NRDE2: variants seen among roughly 807,000 people sequenced by gnomAD.
The protein encoded by NRDE2 is nuclear exosome regulator NRDE2.
Under a neutral mutation model 124.2 loss-of-function variants are expected in NRDE2, and 76 were observed. The ratio of observed to expected loss-of-function variants is 0.61; its 90% CI spans 0.51 to 0.74. The LOEUF (loss-of-function observed/expected upper bound fraction) is 0.74. Ranked by LOEUF, NRDE2 falls within the 30% of genes least tolerant of loss-of-function variation. NRDE2 has a pLI of 0.00. For missense variants in NRDE2, 1,314 were observed against 1,417.3 expected, an observed-to-expected ratio of 0.93 and a Z score of 1.17; for synonymous variants, 489 against 528.1, an observed-to-expected ratio of 0.93 and a Z score of 1.01.
intron 1 of NRDE2, among the ~76,000 whole-genome samples, chr14:90,326,304 C>T (rs1438678275): frequency 6.6e-6 from 1 of 151,600 alleles, no homozygotes; most frequent in Non-Finnish European, 1.5e-5. Flanking sequence ...ACCATCCTGG[C>T]TAACAAGGTG....
intron 3 of NRDE2, among the ~76,000 whole-genome samples, chr14:90,313,955 T>TG (rs1460697105): frequency 2.0e-5 from 3 of 152,168 alleles, no homozygotes; most frequent in Non-Finnish European, 4.4e-5. Context: ...AATGAAAAGA[T>TG]GGAGAGCCTA....
At position 90,278,928 on chromosome 14, in the gene NRDE2, C is replaced by A. The variant is rs1891876466; in HGVS notation, c.3369+134G>T. The A allele has an allele frequency of 2.5e-5, 18 of 707,634 alleles. 1 individual carries two copies. The South Asian group carries it at 3.0e-4, about 12-fold the overall frequency. 43.8% of individuals were successfully genotyped at this position (707,634 alleles called of 1,614,324 possible). A position where few individuals can be genotyped will look rare whatever the true frequency, so the allele number is the denominator to read the frequency against. On this transcript the variant is annotated intron_variant, in intron 13 of 13. Coordinates refer to ENST00000354366, the MANE Select transcript of NRDE2 (RefSeq NM_017970.4). ...TCACCAGGAAAAGGCTCTGGATGTA[C>A]CTTGGGACAGGGTATGGCGTCCATG...
At chr14:90,287,485 C>A (rs1389274732) in intron 11 of NRDE2, among the ~76,000 whole-genome samples, 1 of 151,750 alleles carries the variant, frequency 6.6e-6, no homozygotes, top group Non-Finnish European at 1.5e-5. Flanking sequence ...ATTAGCCAGG[C>A]GTGGTGGTGC....
intron 4 of NRDE2, among the ~76,000 whole-genome samples, chr14:90,307,089 T>C (rs1021670538): frequency 1.3e-5 from 2 of 152,216 alleles, no homozygotes; most frequent in Non-Finnish European, 2.9e-5. Context: ...TATATTACTA[T>C]CTACTTTCAG....
At chr14:90,286,216 T>C (rs1892097167) in intron 12 of NRDE2, 138 bp downstream of exon 12, 5 of 953,238 alleles carry the variant, frequency 5.2e-6, no homozygotes, top group Middle Eastern at 2.3e-4. Context: ...GATTCACCAA[T>C]GCCAAGAAGA....
At chr14:90,323,970 C>T (rs150537282) in intron 1 of NRDE2, among the ~76,000 whole-genome samples, 1 of 152,274 alleles carries the variant, frequency 6.6e-6, no homozygotes, top group East Asian at 1.9e-4. Flanking sequence ...CAACACTACC[C>T]TCATGGAGCT....
intron 10 of NRDE2, 118 bp from the exon 11 acceptor site, chr14:90,289,263 G>T: frequency 3.7e-6 from 3 of 806,816 alleles, no homozygotes; most frequent in Non-Finnish European, 6.0e-6. Context: ...CTTTATCACG[G>T]GTCTGGTAAA....
chr14:90,272,987 A>G lies in NRDE2; in HGVS notation c.*5349T>C, dbSNP rs1471614314. 1 of 152,210 alleles carries G rather than the reference A, an allele frequency of 6.6e-6. No homozygotes were observed. Among genetic ancestry groups the G allele is most frequent in the Non-Finnish European group, 1.5e-5 (1 of 68,058 alleles). The allele number at this position is 152,210 out of a possible 1,614,324, so 9.4% of individuals were successfully genotyped here. On this transcript the variant is annotated 3_prime_UTR_variant, in exon 14 of 14. Transcript: ENST00000354366. The surrounding 1 kb of genome is among the most constrained non-coding windows in gnomAD (Gnocchi z 4.5). Reference sequence around the variant, plus strand: ...TGTTCCCAAGAGACTGAGGATTCCTAGAGATATCTTGAAAGCCCTTCTGAG... The same window carrying G: ...TGTTCCCAAGAGACTGAGGATTCCTGGAGATATCTTGAAAGCCCTTCTGAG...
intron 1 of NRDE2, among the ~76,000 whole-genome samples, chr14:90,329,331 C>T (rs1885573818): frequency 6.6e-6 from 1 of 152,202 alleles, no homozygotes; most frequent in African/African-American, 2.4e-5. Flanking sequence ...TTTTCTTCTG[C>T]AGGACTTGAA....
chr14:90,268,644 G>C lies in NRDE2; in HGVS notation c.*9692C>G, dbSNP rs1188101626. The stretch of plus-strand genomic sequence containing the variant: ...ATGAATAACCATGTCTTGAGCACCC[G>C]CCCTGATCCAGGACCATCTGGACTC... On this transcript the variant is annotated 3_prime_UTR_variant, in exon 14 of 14. Transcript: ENST00000354366. 1.5e-5 allele frequency: 7 copies of C among 465,666 alleles called. No individual in the cohort carries two copies. Among genetic ancestry groups the C allele is most frequent in the Non-Finnish European group, 2.7e-5 (7 of 262,852 alleles). 28.8% of individuals were successfully genotyped at this position (465,666 alleles called of 1,614,324 possible). A position where few individuals can be genotyped will look rare whatever the true frequency, so the allele number is the denominator to read the frequency against.
chr14:90,301,343 G>A lies in NRDE2; in HGVS notation c.1441C>T (p.Arg481Trp), dbSNP rs765110421. Reference protein sequence around the residue: ...ALFLQQCHFLRQAGHSEKAIS... With the variant: ...ALFLQQCHFLWQAGHSEKAIS... ...GCCTTCTCAGAGTGGCCAGCCTGCC[G>A]CAGAAAGTGGCACTGCTGAAGAAAG... The change falls in exon 7 of 14, where the codon CGG (arginine) becomes TGG (tryptophan). Residue 481 changes from arginine (R) to tryptophan (W), a missense_variant. By Grantham distance (101) the Arg-to-Trp change is moderately radical. Coordinates refer to ENST00000354366, the MANE Select transcript of NRDE2 (RefSeq NM_017970.4). The A allele has an allele frequency of 3.1e-6, 5 of 1,613,660 alleles. No individual in the cohort carries two copies. The East Asian group carries it at 6.7e-5, about 22-fold the overall frequency.
In NRDE2 at chr14:90,304,154, C is replaced by T. The variant is rs778158794; in HGVS notation, c.786G>A (p.Ala262=). 9 of 1,614,050 alleles carry T rather than the reference C, an allele frequency of 5.6e-6. No homozygotes were observed. The East Asian group carries it at 1.1e-4, about 20-fold the overall frequency. The change falls in exon 5 of 14, where the codon GCG becomes GCA. Residue 262 remains alanine, a synonymous_variant. Coordinates refer to ENST00000354366, the MANE Select transcript of NRDE2 (RefSeq NM_017970.4). ...GATTCAACCAGGTTGTAACAGGAGCCGCATCTTCCAAGTCCTTCACTGGTA... is the reference window on the plus strand; with the variant it reads ...GATTCAACCAGGTTGTAACAGGAGCTGCATCTTCCAAGTCCTTCACTGGTA... The part of the protein sequence containing the change: ...SFIPVKDLED[A]APVTTWLNPL...
chr14:90,301,457 A>C, intron 6 of NRDE2, 85 bp from the exon 7 acceptor site: 1 of 1,244,974 alleles, frequency 8.0e-7, no homozygotes, highest in Admixed American at 2.1e-5. Context: ...GGCAATTAAC[A>C]CATTGAGAAC....
In NRDE2 at chr14:90,316,559, C is replaced by T. The variant is rs1052541949; in HGVS notation, c.407+19G>A. On this transcript the variant is annotated intron_variant, in intron 3 of 13. Transcript: ENST00000354366. The stretch of plus-strand genomic sequence containing the variant: ...CTCAAGACTTAAAATATCATAGGTG[C>T]TTGAGAACAGCAACCTACTTCGGTT... The T allele has an allele frequency of 6.5e-7, 1 of 1,548,406 alleles. No individual in the cohort carries two copies. Among genetic ancestry groups the T allele is most frequent in the African/African-American group, 1.4e-5 (1 of 72,856 alleles).
Position 90,301,266 on chromosome 14 carries a change from G to A in NRDE2, c.1518C>T (p.Ser506=), listed in dbSNP as rs780607774. The A allele has an allele frequency of 8.7e-6, 14 of 1,613,514 alleles. No individual in the cohort carries two copies. The African/African-American group carries it at 1.2e-4, about 14-fold the overall frequency. ...MVDFTFFKPD[S]VKDLPTKGQV... ...GTCCTTTGGTAGGCAGATCTTTCAC[G>A]CTGTCGGGTTTGAAGAAGGTGAAGT... Residue 506 remains serine (S), a synonymous_variant, in exon 7 of 14, where the codon AGC becomes AGT. Coordinates refer to ENST00000354366, the MANE Select transcript of NRDE2 (RefSeq NM_017970.4).
intron 13 of NRDE2, 93 bp from the exon 14 acceptor site, chr14:90,278,554 C>G: frequency 6.6e-7 from 1 of 1,523,564 alleles, no homozygotes; most frequent in South Asian, 1.2e-5. Context: ...CCTGGTGACC[C>G]TGCCCTCCTG....
chr14:90,290,184 A>C (rs1892231754), intron 10 of NRDE2, 37 bp downstream of exon 10: 1 of 1,594,444 alleles, frequency 6.3e-7, no homozygotes, highest in Non-Finnish European at 8.6e-7. Flanking sequence ...CATGAAATGA[A>C]AAGTCCCCAA....
Position 90,303,862 on chromosome 14 carries a change from T to C in NRDE2, c.1005+73A>G, listed in dbSNP as rs867373462. 1.7e-5 allele frequency: 23 copies of C among 1,351,036 alleles called. No individual in the cohort carries two copies. The African/African-American group carries it at 2.8e-4, about 16-fold the overall frequency. The allele number at this position is 1,351,036 out of a possible 1,614,324, so 83.7% of individuals were successfully genotyped here. A position where few individuals can be genotyped will look rare whatever the true frequency, so the allele number is the denominator to read the frequency against. ...ATTTCCTCATTTGCTCAAAAATTGC[T>C]GCACAGTCCATCAGTTTGCCCAAAA... On this transcript the variant is annotated intron_variant, in intron 5 of 13. Transcript: ENST00000354366.
chr14:90,330,741 G>A (rs552165727), intron 1 of NRDE2, among the ~76,000 whole-genome samples: 1 of 151,134 alleles, frequency 6.6e-6, no homozygotes, highest in Non-Finnish European at 1.5e-5. Context: ...CCAGGAGTCT[G>A]AGGCGGCAGT....
Sources: allele counts gnomAD v4.1 joint callset (sites outside exome capture counted in the v4.1 genomes callset), GRCh38; gene constraint gnomAD v4.1.1; non-coding constraint Gnocchi (gnomAD v3.1); transcripts MANE v1.5; gene names NCBI Gene and HGNC (gene_info 2026-07-23, HGNC 2026-07-21).